The following APP variants were observed in gnomAD, a reference collection of about 807,000 sequenced individuals.
APP encodes the protein amyloid-beta precursor protein.
APP carries 31 observed loss-of-function variants against 101.4 expected under a neutral mutation model. That is an observed-to-expected ratio of 0.31 (90% CI 0.23 to 0.41). The LOEUF (loss-of-function observed/expected upper bound fraction) is 0.41, where lower values mean the gene tolerates loss of function less well. APP is among the 10% of genes least tolerant of loss of function. The pLI is 1.00. For missense variants in APP, 839 were observed against 1,003.7 expected, an observed-to-expected ratio of 0.84 and a Z score of 2.22; for synonymous variants, 366 against 364.4, an observed-to-expected ratio of 1.00 and a Z score of -0.05.
At chr21:26,035,178 G>A (rs547163660) in intron 5 of APP, among the ~76,000 whole-genome samples, 48 of 152,022 alleles carry the variant, frequency 3.2e-4, no homozygotes, top group South Asian at 8.3e-4. Flanking sequence ...TACTCAGGAG[G>A]ATCTCCAGAG....
intron 13 of APP, among the ~76,000 whole-genome samples, chr21:25,929,374 T>C (rs2040043463): frequency 6.6e-6 from 1 of 152,086 alleles, no homozygotes. Flanking sequence ...ACAGCAGAAA[T>C]AATCAAGAGT....
At chr21:26,122,653 A>G (rs1601518144) in intron 1 of APP, among the ~76,000 whole-genome samples, 1 of 152,080 alleles carries the variant, frequency 6.6e-6, no homozygotes, top group Admixed American at 6.5e-5. Context: ...GTGATTTCAT[A>G]AAATGGTACT....
chr21:26,031,700 C>G (rs1408715409), intron 5 of APP, among the ~76,000 whole-genome samples: 1 of 108 alleles, frequency 9.3e-3, no homozygotes, highest in Non-Finnish European at 0.026. Flanking sequence ...AATCAATTAC[C>G]TCCCCTGGGT....
intron 8 of APP, among the ~76,000 whole-genome samples, chr21:25,995,202 T>C (rs920920986): frequency 1.3e-5 from 2 of 152,168 alleles, no homozygotes; most frequent in South Asian, 2.1e-4. Flanking sequence ...AATGGAAAAA[T>C]AGAATTCTTA....
At chr21:26,027,417 A>G (rs769703644) in intron 5 of APP, among the ~76,000 whole-genome samples, 13 of 152,240 alleles carry the variant, frequency 8.5e-5, no homozygotes, top group Admixed American at 4.6e-4. Context: ...CAATGGCTGG[A>G]TAAGTCAGTT....
chr21:26,075,074 G>A (rs1386076969), intron 3 of APP, among the ~76,000 whole-genome samples: 4 of 152,178 alleles, frequency 2.6e-5, no homozygotes, highest in African/African-American at 7.2e-5. Context: ...TTTTAGGCAT[G>A]TGAAATTGCT....
chr21:25,980,756 A>G (rs1371432547), intron 9 of APP, among the ~76,000 whole-genome samples: 1 of 152,114 alleles, frequency 6.6e-6, no homozygotes, highest in Non-Finnish European at 1.5e-5. Flanking sequence ...TCAAGGGTAG[A>G]TTTTCTTATT....
At chr21:26,050,300 C>G (rs1027235532) in intron 5 of APP, among the ~76,000 whole-genome samples, 6 of 152,100 alleles carry the variant, frequency 3.9e-5, no homozygotes, top group African/African-American at 1.4e-4. Context: ...GGGGATGAGA[C>G]AGCATAAAAT....
intron 13 of APP, among the ~76,000 whole-genome samples, chr21:25,943,463 T>TC (rs1352556917): frequency 2.7e-5 from 4 of 147,710 alleles, no homozygotes; most frequent in Non-Finnish European, 6.0e-5. Flanking sequence ...TTTTTTTTTT[T>TC]CTCTTTTGAG....
chr21:25,978,722 G>C (rs999672818), intron 9 of APP, among the ~76,000 whole-genome samples: 1 of 152,226 alleles, frequency 6.6e-6, no homozygotes, highest in African/African-American at 2.4e-5. Flanking sequence ...GGGAGGCCCA[G>C]GCGGGTGGAT....
chr21:26,021,743 T>C (rs1176361206), intron 6 of APP, 97 bp downstream of exon 6: 2 of 1,493,410 alleles, frequency 1.3e-6, no homozygotes, highest in African/African-American at 1.4e-5. Flanking sequence ...TGTTTTTGAT[T>C]GGGGAAGGCA....
chr21:25,969,442 T>G (rs1275847888), intron 11 of APP, among the ~76,000 whole-genome samples: 1 of 150,412 alleles, frequency 6.6e-6, no homozygotes, highest in Admixed American at 6.6e-5. Flanking sequence ...CCATACAACA[T>G]TAAAACTTAA....
At position 25,897,861 on chromosome 21, in the gene APP, A is replaced by G. The variant is rs538311438; in HGVS notation, c.1964-188T>C. 4.2e-5 allele frequency: 25 copies of G among 600,496 alleles called. No individual in the cohort carries two copies. The East Asian group carries it at 7.1e-4, about 17-fold the overall frequency. 37.2% of individuals were successfully genotyped at this position (600,496 alleles called of 1,614,324 possible). ...TTCAATTACTACCTATTTTGAACAA[A>G]AAGAAATGAAAGGGTAAGGGAAACC... is the stretch of plus-strand genomic sequence containing the variant. On this transcript the variant is annotated intron_variant, in intron 15 of 17. Coordinates refer to ENST00000346798, the MANE Select transcript of APP (RefSeq NM_000484.4).
intron 11 of APP, among the ~76,000 whole-genome samples, chr21:25,970,642 A>G (rs927056780): frequency 6.6e-6 from 1 of 152,212 alleles, no homozygotes; most frequent in African/African-American, 2.4e-5. Flanking sequence ...TAATATGAAT[A>G]TTCTTTTTCA....
intron 11 of APP, among the ~76,000 whole-genome samples, chr21:25,966,560 C>T (rs1235424870): frequency 6.6e-6 from 1 of 152,164 alleles, no homozygotes; most frequent in Non-Finnish European, 1.5e-5. Flanking sequence ...TTATAATATT[C>T]ATCTGTCCAC....
intron 1 of APP, among the ~76,000 whole-genome samples, chr21:26,114,269 G>C (rs982616371): frequency 5.3e-5 from 8 of 152,080 alleles, no homozygotes; most frequent in African/African-American, 1.7e-4. Flanking sequence ...GCAAGGAGAG[G>C]AAATTGACAA....
intron 17 of APP, among the ~76,000 whole-genome samples, chr21:25,889,623 T>C (rs1184640971): frequency 6.6e-6 from 1 of 152,106 alleles, no homozygotes; most frequent in Non-Finnish European, 1.5e-5. Context: ...GGCGGATCAC[T>C]TGAGGCCAGG....
chr21:25,903,090 G>A (rs545223604), intron 15 of APP, among the ~76,000 whole-genome samples: 302 of 710 alleles, frequency 0.43, 2 homozygotes, highest in Admixed American at 0.47. Flanking sequence ...AGAATAGGCC[G>A]GGCATGGTGC....
intron 16 of APP, 152 bp downstream of exon 16, chr21:25,897,421 T>C (rs886938192): frequency 1.4e-6 from 1 of 740,038 alleles, no homozygotes; most frequent in Admixed American, 2.1e-5. Context: ...GCCTAGCCTA[T>C]TTATTTTCTT....
Sources: allele counts gnomAD v4.1 joint callset (sites outside exome capture counted in the v4.1 genomes callset), GRCh38; gene constraint gnomAD v4.1.1; transcripts MANE v1.5; gene names NCBI Gene and HGNC (gene_info 2026-07-23, HGNC 2026-07-21).